Variants in CRADD observed in about 807,000 individuals in gnomAD.
CRADD encodes the protein CARD and death domain containing adaptor protein, also known as death domain-containing protein CRADD.
A neutral mutation model predicts 15.5 loss-of-function variants in CRADD; 9 were observed. That is an observed-to-expected ratio of 0.58 (90% CI 0.35 to 1.01). The LOEUF (loss-of-function observed/expected upper bound fraction) is 1.01. Ranked by LOEUF, CRADD falls within the 50% of genes least tolerant of loss-of-function variation. The probability of loss-of-function intolerance (pLI) is 0.02; values close to 1 mark genes in which losing one functional copy is unlikely to be tolerated. For missense variants in CRADD, 227 were observed against 250.3 expected (o/e 0.91, Z 0.63); for synonymous variants, 118 against 107.6 (o/e 1.10, Z -0.60).
intron 2 of CRADD, among the ~76,000 whole-genome samples, chr12:93,698,622 A>G (rs1247456812): frequency 1.3e-5 from 2 of 152,054 alleles, no homozygotes; most frequent in African/African-American, 4.8e-5. Flanking sequence ...GATTTTTTTC[A>G]GTGTCTTCTG....
At chr12:93,800,587 T>TCA (rs1348437767) in intron 2 of CRADD, among the ~76,000 whole-genome samples, 1 of 152,062 alleles carries the variant, frequency 6.6e-6, no homozygotes, top group Non-Finnish European at 1.5e-5. Context: ...TCCTGCTCTC[T>TCA]CTCTCTCTCT....
rs576097411 is a variant in CRADD at position 93,857,299 on chromosome 12, G to C, written c.299-36751G>C. Among the ~76,000 whole-genome samples, 4 of 152,306 alleles carry C rather than the reference G, an allele frequency of 2.6e-5. No individual in the cohort carries two copies. The East Asian group carries it at 7.7e-4, about 29-fold the overall frequency. On this transcript the variant is annotated intron_variant, in intron 2 of 2. Coordinates refer to the CRADD transcript ENST00000548483. ...ATTGGATTTGATCAAGTAGTTACTA[G>C]TCTTTCTTCTGGTGACGTATAACCT...
chr12:93,885,477 A>G (rs1358042337), intron 2 of CRADD, among the ~76,000 whole-genome samples: 1 of 149,464 alleles, frequency 6.7e-6, no homozygotes, highest in Non-Finnish European at 1.5e-5. Context: ...CCTCAGTGGC[A>G]CTGTGGAGGG....
At chr12:93,828,238 T>C (rs1957848560) in intron 2 of CRADD, among the ~76,000 whole-genome samples, 1 of 152,214 alleles carries the variant, frequency 6.6e-6, no homozygotes, top group African/African-American at 2.4e-5. Flanking sequence ...TTGCAAATAT[T>C]TTTTCCTAGT....
intron 2 of CRADD, among the ~76,000 whole-genome samples, chr12:93,726,798 T>C (rs1486774978): frequency 1.3e-5 from 2 of 152,134 alleles, no homozygotes; most frequent in Non-Finnish European, 2.9e-5. Context: ...TAGACGGATA[T>C]ACAAGATGGT....
intron 2 of CRADD, among the ~76,000 whole-genome samples, chr12:93,763,421 A>G (rs908660360): frequency 2.0e-5 from 3 of 151,740 alleles, no homozygotes; most frequent in Admixed American, 2.0e-4. Context: ...GCTCAGTTTC[A>G]GGGGGCTGCA....
chr12:93,857,137 TA>T (rs11300753), intron 2 of CRADD, among the ~76,000 whole-genome samples: 30,988 of 144,502 alleles, frequency 0.21, 3,256 homozygotes, highest in African/African-American at 0.29. Context: ...ACTTAAAAAG[TA>T]AAAAAAAAAA....
In CRADD at chr12:93,724,440, T is replaced by C. The variant is rs1345446301; in HGVS notation, c.298+45368T>C. 6.6e-5 allele frequency among the ~76,000 whole-genome samples: 10 copies of C among 152,298 alleles called. No individual in the cohort carries two copies. In the East Asian group the frequency reaches 1.9e-3, roughly 29 times the overall value. Reference sequence around the variant, plus strand: ...GTGATTCTCTGTATCTGCCTGTCTGTTGCTTCAATTTCAGAGGCATCAGTT... The same window carrying C: ...GTGATTCTCTGTATCTGCCTGTCTGCTGCTTCAATTTCAGAGGCATCAGTT... On this transcript the variant is annotated intron_variant, in intron 2 of 2. Coordinates refer to ENST00000332896, the MANE Select transcript of CRADD (RefSeq NM_003805.5).
At chr12:93,749,359 C>A (rs530799590) in intron 2 of CRADD, among the ~76,000 whole-genome samples, 2 of 152,276 alleles carry the variant, frequency 1.3e-5, no homozygotes, top group African/African-American at 4.8e-5. Flanking sequence ...CAGGATTGAG[C>A]CAGACCTTGC....
chr12:93,683,450 C>T (rs12099980), intron 2 of CRADD, among the ~76,000 whole-genome samples: 5,227 of 152,338 alleles, frequency 0.034, 284 homozygotes, highest in African/African-American at 0.12. Context: ...TCGGTGCCTC[C>T]GGCATCAGCA....
intron 2 of CRADD, among the ~76,000 whole-genome samples, chr12:93,695,628 C>T (rs1015891848): frequency 2.0e-5 from 3 of 152,168 alleles, no homozygotes; most frequent in African/African-American, 4.8e-5. Flanking sequence ...GGGCGGCCAG[C>T]GCAGTGGTTC....
intron 2 of CRADD, among the ~76,000 whole-genome samples, chr12:93,863,550 C>A (rs1188412331): frequency 6.6e-6 from 1 of 151,120 alleles, no homozygotes; most frequent in Non-Finnish European, 1.5e-5. Flanking sequence ...GATACTAAAT[C>A]CCCCCAGGCC....
chr12:93,838,322 G>A (rs987092742), intron 2 of CRADD, among the ~76,000 whole-genome samples: 6 of 151,162 alleles, frequency 4.0e-5, no homozygotes, highest in South Asian at 2.1e-4. Context: ...TGAGTCCTGG[G>A]AGGTGGCTGA....
chr12:93,778,077 C>G (rs1013843369), intron 2 of CRADD, among the ~76,000 whole-genome samples: 2 of 152,146 alleles, frequency 1.3e-5, no homozygotes, highest in African/African-American at 4.8e-5. Flanking sequence ...CAGTATTGAC[C>G]TAATAGCAGA....
At chr12:93,796,915 G>A (rs1362512716) in intron 2 of CRADD, among the ~76,000 whole-genome samples, 6 of 152,170 alleles carry the variant, frequency 3.9e-5, no homozygotes, top group Non-Finnish European at 8.8e-5. Context: ...TGGATATCAC[G>A]TGGCACATCC....
chr12:93,704,913 C>T (rs538449552), intron 2 of CRADD, among the ~76,000 whole-genome samples: 1 of 152,332 alleles, frequency 6.6e-6, no homozygotes, highest in East Asian at 1.9e-4. Flanking sequence ...CCCAGTTTTG[C>T]TCTAATAAGT....
intron 2 of CRADD, among the ~76,000 whole-genome samples, chr12:93,858,792 A>G (rs1013348811): frequency 2.0e-5 from 3 of 152,226 alleles, no homozygotes; most frequent in African/African-American, 7.2e-5. Flanking sequence ...TTAAGAAACT[A>G]AGACCCTCAT....
chr12:93,814,455 A>G (rs1255694813), intron 2 of CRADD, among the ~76,000 whole-genome samples: 3 of 152,186 alleles, frequency 2.0e-5, no homozygotes, highest in Non-Finnish European at 4.4e-5. Flanking sequence ...CCCGATTGTA[A>G]TTTAACTTGT....
At chr12:93,754,370 A>C (rs1392100855) in intron 2 of CRADD, among the ~76,000 whole-genome samples, 1 of 152,190 alleles carries the variant, frequency 6.6e-6, no homozygotes, top group Non-Finnish European at 1.5e-5. Flanking sequence ...GGCAATTAAC[A>C]TTTGGCTCCT....
Sources: gnomAD v4.1 joint callset for allele counts (sites outside exome capture counted in the v4.1 genomes callset) on GRCh38, gnomAD v4.1.1 for gene constraint, MANE v1.5 for transcripts, NCBI Gene and HGNC (gene_info 2026-07-23, HGNC 2026-07-21) for gene names.